The following JPH1 variants were observed in gnomAD, a reference collection of about 807,000 sequenced individuals.
The protein encoded by JPH1 is junctophilin 1.
Under a neutral mutation model 53.6 loss-of-function variants are expected in JPH1, and 12 were observed. That is an observed-to-expected ratio of 0.22 (90% CI 0.14 to 0.36). The LOEUF (loss-of-function observed/expected upper bound fraction) is 0.36, where lower values mean the gene tolerates loss of function less well. JPH1 is among the 10% of genes least tolerant of loss of function. The pLI is 1.00. For synonymous variants in JPH1, 375 were observed against 363.8 expected (o/e 1.03, Z -0.35); for missense variants, 808 against 905.5 (o/e 0.89, Z 1.38).
intron 2 of JPH1, among the ~76,000 whole-genome samples, chr8:74,281,771 T>C (rs144708453): frequency 2.4e-4 from 37 of 152,268 alleles, no homozygotes; most frequent in Non-Finnish European, 4.7e-4. Flanking sequence ...TCTTAGGTCA[T>C]GGGATAAATC....
intron 4 of JPH1, among the ~76,000 whole-genome samples, chr8:74,237,849 G>A (rs887822478): frequency 6.6e-6 from 1 of 152,158 alleles, no homozygotes. Context: ...TAAGTGAGAA[G>A]TTGGATACTT....
In JPH1 at chr8:74,244,792, A is replaced by C; in HGVS notation, c.1642T>G (p.Ser548Ala). Residue 548 changes from serine to alanine, a missense_variant, in exon 4 of 6, where the codon TCT becomes GCT. Ser to Ala is a moderately conservative substitution (Grantham distance 99). Around this residue, in one of 2 missense-constraint regions of JPH1, gnomAD observed 756 missense variants for 811.9 expected, o/e 0.93. Coordinates refer to ENST00000342232, the MANE Select transcript of JPH1 (RefSeq NM_020647.4). ...IPNPSNGELH[S>A]QYHGYYVKLN... ...TTCACGTAGTAGCCGTGATACTGAG[A>C]ATGCAGCTCCCCGTTACTGGGGTTG... 1 of 1,614,156 alleles carries C rather than the reference A, an allele frequency of 6.2e-7. No homozygotes were observed.
At chr8:74,275,873 C>G (rs184342021) in intron 2 of JPH1, among the ~76,000 whole-genome samples, 7 of 152,270 alleles carry the variant, frequency 4.6e-5, no homozygotes, top group Admixed American at 3.3e-4. Context: ...TTTCTTACGT[C>G]AGAATCAAAT....
intron 2 of JPH1, among the ~76,000 whole-genome samples, chr8:74,313,752 G>A (rs1299105855): frequency 1.3e-5 from 2 of 152,088 alleles, no homozygotes; most frequent in Non-Finnish European, 2.9e-5. Flanking sequence ...TTACTTCTGT[G>A]GAAGAGTGTT....
chr8:74,240,359 C>T (rs1805656896), intron 4 of JPH1, among the ~76,000 whole-genome samples: 1 of 151,890 alleles, frequency 6.6e-6, no homozygotes, highest in Non-Finnish European at 1.5e-5. Context: ...CTTATTTGTT[C>T]TATTTTTTTT....
Position 74,315,034 on chromosome 8 carries a change from A to G in JPH1, c.966T>C (p.Pro322=). 1 of 1,614,222 alleles carries G rather than the reference A, an allele frequency of 6.2e-7. No individual in the cohort carries two copies. The highest frequency in any genetic ancestry group is 1.1e-5 in the South Asian group (1 of 91,088). The part of the protein sequence containing the change: ...KRHGYGCTVF[P]DGSKEEGKYK... ...ATTTTCCCTCTTCTTTGGAGCCGTC[A>G]GGAAACACGGTACAGCCATATCCAT... The change falls in exon 2 of 6, where the codon CCT becomes CCC. Residue 322 remains proline, a synonymous_variant. Coordinates refer to ENST00000342232, the MANE Select transcript of JPH1 (RefSeq NM_020647.4). The surrounding 1 kb of genome is among the most constrained non-coding windows in gnomAD (Gnocchi z 6.3).
chr8:74,254,266 C>T (rs1356319141), intron 3 of JPH1, among the ~76,000 whole-genome samples: 1 of 151,976 alleles, frequency 6.6e-6, no homozygotes, highest in Non-Finnish European at 1.5e-5. Context: ...CGTAATCCAG[C>T]ATATAAACAG....
rs1806992690 is a variant in JPH1, at chr8:74,236,246, A to G, written c.*805T>C. ...TAAATAACCTTTTACAAGTATAGGA[A>G]GAATAAATGACATAAAAGATGGTAT... On this transcript the variant is annotated 3_prime_UTR_variant, in exon 6 of 6. Coordinates refer to ENST00000342232, the MANE Select transcript of JPH1 (RefSeq NM_020647.4). 6.6e-6 allele frequency: 1 copy of G among 152,260 alleles called. No homozygotes were observed. Among genetic ancestry groups the G allele is most frequent in the Non-Finnish European group, 1.5e-5 (1 of 68,042 alleles). 9.4% of individuals were successfully genotyped at this position (152,260 alleles called of 1,614,324 possible). A position where few individuals can be genotyped will look rare whatever the true frequency, so the allele number is the denominator to read the frequency against.
intron 4 of JPH1, among the ~76,000 whole-genome samples, chr8:74,238,932 C>G (rs947922201): frequency 8.5e-5 from 13 of 152,062 alleles, no homozygotes; most frequent in African/African-American, 3.1e-4. Context: ...TGCTGGGATT[C>G]CAGGCGTGTA....
intron 2 of JPH1, among the ~76,000 whole-genome samples, chr8:74,275,241 T>C (rs1295440183): frequency 7.2e-5 from 11 of 152,212 alleles, no homozygotes; most frequent in Non-Finnish European, 1.2e-4. Context: ...TTTGGTTACA[T>C]GTAGTCAGGG....
chr8:74,320,961 G>A lies in JPH1; in HGVS notation c.327C>T (p.Thr109=), dbSNP rs771898899. ...ACCCGTCTTGCAGCCCGTTACTCCAGGTACCCTCGTAGCGAGCGGGGGTGC... is the reference window on the plus strand; with the variant it reads ...ACCCGTCTTGCAGCCCGTTACTCCAAGTACCCTCGTAGCGAGCGGGGGTGC... ...SLCTPARYEG[T]WSNGLQDGYG... Residue 109 remains threonine (T), a synonymous_variant, in exon 1 of 6, where the codon ACC becomes ACT. Coordinates refer to ENST00000342232, the MANE Select transcript of JPH1 (RefSeq NM_020647.4). The surrounding 1 kb of genome is among the most constrained non-coding windows in gnomAD (Gnocchi z 4.4). 4.4e-6 allele frequency: 7 copies of A among 1,607,938 alleles called. No homozygotes were observed. Among genetic ancestry groups the A allele is most frequent in the Non-Finnish European group, 4.2e-6 (5 of 1,177,370 alleles).
chr8:74,321,535 C>G lies in JPH1; in HGVS notation c.-248G>C, dbSNP rs948039568. 4.8e-6 allele frequency: 2 copies of G among 417,464 alleles called. No individual in the cohort carries two copies. The highest frequency in any genetic ancestry group is 2.1e-5 in the African/African-American group (1 of 47,852). 25.9% of individuals were successfully genotyped at this position (417,464 alleles called of 1,614,324 possible). ...CCGCCGCCTGGGCCAGCGCCGCGCG[C>G]GAGAGGACAGCCCAGGTTCCCGAGC... On this transcript the variant is annotated 5_prime_UTR_variant, in exon 1 of 6. Coordinates refer to ENST00000342232, the MANE Select transcript of JPH1 (RefSeq NM_020647.4). This position sits in a 1 kb window ranked among gnomAD's most constrained non-coding sequence, Gnocchi z 4.3.
intron 2 of JPH1, among the ~76,000 whole-genome samples, chr8:74,300,461 A>T (rs1807646219): frequency 6.6e-6 from 1 of 152,240 alleles, no homozygotes; most frequent in Non-Finnish European, 1.5e-5. Context: ...CATCTAGCAC[A>T]GTACTAAGTG....
chr8:74,307,311 G>A lies in JPH1; in HGVS notation c.1139+7550C>T, dbSNP rs2142181. Reference sequence around the variant, plus strand: ...TGTGGTTTATAGTTTACAAAGACCCGTGATACCCACTCTCCCATTCAATTC... The same window carrying A: ...TGTGGTTTATAGTTTACAAAGACCCATGATACCCACTCTCCCATTCAATTC... On this transcript the variant is annotated intron_variant, in intron 2 of 5. Transcript: ENST00000342232. Among the ~76,000 whole-genome samples the A allele has an allele frequency of 6.8e-3, 1,043 of 152,276 alleles. 11 individuals carry two copies. Among genetic ancestry groups the A allele is most frequent in the East Asian group, 0.054 (282 of 5,188 alleles).
chr8:74,292,827 A>G (rs1253840270), intron 2 of JPH1, among the ~76,000 whole-genome samples: 3 of 152,194 alleles, frequency 2.0e-5, no homozygotes. Context: ...GGGAAATCCA[A>G]TCAAGTCCTG....
At chr8:74,309,911 G>A (rs1254247854) in intron 2 of JPH1, among the ~76,000 whole-genome samples, 1 of 152,158 alleles carries the variant, frequency 6.6e-6, no homozygotes, top group East Asian at 1.9e-4. Context: ...TACCAAAACA[G>A]ATTCTGCTTA....
chr8:74,314,736 A>G, intron 2 of JPH1, 125 bp downstream of exon 2: 1 of 1,116,252 alleles, frequency 9.0e-7, no homozygotes, highest in African/African-American at 1.6e-5. Context: ...ATCATTTTTC[A>G]CCTTTGATTT....
At chr8:74,312,340 C>T (rs755625758) in intron 2 of JPH1, among the ~76,000 whole-genome samples, 4 of 152,132 alleles carry the variant, frequency 2.6e-5, no homozygotes, top group South Asian at 2.1e-4. Context: ...CAGTCTCGAC[C>T]TCTGGGGCTC....
intron 3 of JPH1, among the ~76,000 whole-genome samples, chr8:74,250,120 T>TC (rs1389023519): frequency 2.0e-5 from 3 of 151,458 alleles, no homozygotes; most frequent in Non-Finnish European, 4.4e-5. Flanking sequence ...ACAAAATGAA[T>TC]CTCTCGACTA....
Sources: allele counts gnomAD v4.1 joint callset (sites outside exome capture counted in the v4.1 genomes callset), GRCh38; gene constraint gnomAD v4.1.1; regional missense constraint gnomAD v4.1.1; non-coding constraint Gnocchi (gnomAD v3.1); transcripts MANE v1.5; gene names NCBI Gene and HGNC (gene_info 2026-07-23, HGNC 2026-07-21).